CELSR1: variants seen among roughly 807,000 people sequenced by gnomAD.
CELSR1 encodes adhesion G protein-coupled receptor C1.
In CELSR1, 110 loss-of-function variants were observed where a neutral mutation model predicts 249.1. That is an observed-to-expected ratio of 0.44 (90% CI 0.38 to 0.52). The LOEUF (loss-of-function observed/expected upper bound fraction) is 0.52, where lower values mean the gene tolerates loss of function less well. Among genes scored for constraint, CELSR1 ranks in the 20% least tolerant of loss-of-function variants. CELSR1 has a pLI of 0.00. For missense variants in CELSR1, 4,109 were observed against 4,296.4 expected, an observed-to-expected ratio of 0.96 and a Z score of 1.22; for synonymous variants, 2,113 against 1,900.0, an observed-to-expected ratio of 1.11 and a Z score of -2.92.
chr22:46,511,874 T>G (rs1474863587), intron 1 of CELSR1, among the ~76,000 whole-genome samples: 2 of 151,954 alleles, frequency 1.3e-5, no homozygotes, highest in African/African-American at 4.8e-5. Flanking sequence ...CCTCGGTCAT[T>G]AGACACAATG....
In CELSR1 at chr22:46,458,481, G is replaced by A. The variant is rs1157062330; in HGVS notation, c.4183+5226C>T. Among the ~76,000 whole-genome samples, 4 of 152,348 alleles carry A rather than the reference G, an allele frequency of 2.6e-5. No homozygotes were observed. In the East Asian group the frequency reaches 7.7e-4, roughly 29 times the overall value. Reference sequence around the variant, plus strand: ...GCAGCAGAGAGAAGAACTGGGCTGGGGAGGCAGCGTCATTAGGTCATGGCA... The same window carrying A: ...GCAGCAGAGAGAAGAACTGGGCTGGAGAGGCAGCGTCATTAGGTCATGGCA... On this transcript the variant is annotated intron_variant, in intron 2 of 34. Transcript: ENST00000674500.
intron 1 of CELSR1, among the ~76,000 whole-genome samples, chr22:46,470,318 T>A (rs1156732844): frequency 6.6e-6 from 1 of 151,844 alleles, no homozygotes; most frequent in African/African-American, 2.4e-5. Flanking sequence ...TCTGAGCTTA[T>A]GTATCATAGT....
At chr22:46,422,881 C>A (rs191682929) in intron 5 of CELSR1, among the ~76,000 whole-genome samples, 323 of 152,238 alleles carry the variant, frequency 2.1e-3, no homozygotes, top group African/African-American at 6.9e-3. Flanking sequence ...AAAAGGAACA[C>A]GAAATCCACC....
At chr22:46,467,507 TTATATATA>T (rs57411071) in intron 1 of CELSR1, among the ~76,000 whole-genome samples, 1 of 150,126 alleles carries the variant, frequency 6.7e-6, no homozygotes, top group Admixed American at 6.7e-5. Context: ...CACGAACATG[TTATATATA>T]TATATATATA....
intron 24 of CELSR1, among the ~76,000 whole-genome samples, chr22:46,373,488 G>GGC (rs2078880272): frequency 2.2e-5 from 3 of 139,108 alleles, no homozygotes; most frequent in Admixed American, 7.1e-5. Flanking sequence ...GCTCTGGGGT[G>GGC]GGGGGGGCAG....
chr22:46,470,681 C>T (rs1016591135), intron 1 of CELSR1, among the ~76,000 whole-genome samples: 5 of 152,102 alleles, frequency 3.3e-5, no homozygotes, highest in Non-Finnish European at 7.3e-5. Context: ...GCAGCTTAAG[C>T]CTTCAGATAC....
At chr22:46,497,487 G>A (rs2080424540) in intron 1 of CELSR1, among the ~76,000 whole-genome samples, 1 of 152,204 alleles carries the variant, frequency 6.6e-6, no homozygotes. Context: ...GTAGTAGCCA[G>A]AGGAGTTCCT....
At chr22:46,371,806 A>G (rs1468520674) in intron 25 of CELSR1, among the ~76,000 whole-genome samples, 1 of 147,304 alleles carries the variant, frequency 6.8e-6, no homozygotes, top group African/African-American at 2.5e-5. Flanking sequence ...CCACCCATCC[A>G]TCCACTCACT....
Position 46,534,429 on chromosome 22 carries a change from G to C in CELSR1, c.2742C>G (p.Val914=), listed in dbSNP as rs2080827457. The C allele has an allele frequency of 6.2e-7, 1 of 1,613,002 alleles. No homozygotes were observed. ...GACCTGAGTCCCGGTCCGTGGCAGA[G>C]ACCTGGAGGATGCTGGTCGAGGGTG... ...DAPPSTSILQ[V]SATDRDSGPN... The change falls in exon 1 of 35, where the codon GTC becomes GTG. Residue 914 remains valine, a synonymous_variant. Coordinates refer to ENST00000674500, the MANE Select transcript of CELSR1 (RefSeq NM_001378328.1). This position sits in a 1 kb window ranked among gnomAD's most constrained non-coding sequence, Gnocchi z 9.7.
chr22:46,448,814 T>C lies in CELSR1; in HGVS notation c.4184-9403A>G, dbSNP rs2079849546. Among the ~76,000 whole-genome samples, 1 of 152,058 alleles carries C rather than the reference T, an allele frequency of 6.6e-6. No homozygotes were observed. Among genetic ancestry groups the C allele is most frequent in the Admixed American group, 6.5e-5 (1 of 15,268 alleles). ...CCATCAAAGAGCTCAGTCCTAACAC[T>C]GGATCCTAGGATGCAGAAAGCACAG... On this transcript the variant is annotated intron_variant, in intron 2 of 34. Coordinates refer to ENST00000674500, the MANE Select transcript of CELSR1 (RefSeq NM_001378328.1). The surrounding 1 kb of genome is among the most constrained non-coding windows in gnomAD (Gnocchi z 5.7).
At chr22:46,439,529 C>CCCGA in intron 2 of CELSR1, 118 bp from the exon 3 acceptor site, 1 of 778,544 alleles carries the variant, frequency 1.3e-6, no homozygotes, top group East Asian at 2.7e-5. Context: ...TGAAAGAAAA[C>CCCGA]CCGACTGACT....
At position 46,399,127 on chromosome 22, in the gene CELSR1, G is replaced by A. The variant is rs1348794993; in HGVS notation, c.5413-490C>T. 6.6e-6 allele frequency among the ~76,000 whole-genome samples: 1 copy of A among 152,188 alleles called. No homozygotes were observed. Among genetic ancestry groups the A allele is most frequent in the Non-Finnish European group, 1.5e-5 (1 of 68,026 alleles). ...ATGAGCCTTGGCTCCAAGAGCTCTT[G>A]GAGATCCCAGGTCGCCCCTTAAGTG... On this transcript the variant is annotated intron_variant, in intron 10 of 34. Coordinates refer to ENST00000674500, the MANE Select transcript of CELSR1 (RefSeq NM_001378328.1). This position sits in a 1 kb window ranked among gnomAD's most constrained non-coding sequence, Gnocchi z 5.0.
intron 22 of CELSR1, among the ~76,000 whole-genome samples, chr22:46,379,872 G>T (rs942604413): frequency 2.0e-5 from 3 of 152,088 alleles, no homozygotes; most frequent in African/African-American, 7.2e-5. Flanking sequence ...GGAGGCAGTG[G>T]GTCTTCCCCT....
chr22:46,502,686 G>A (rs111691719), intron 1 of CELSR1, among the ~76,000 whole-genome samples: 4,729 of 152,162 alleles, frequency 0.031, 73 homozygotes, highest in Non-Finnish European at 0.04. Context: ...ACTGTCACAT[G>A]GGGAAATCGA....
At chr22:46,379,022 C>T (rs1041316109) in intron 22 of CELSR1, among the ~76,000 whole-genome samples, 3 of 152,208 alleles carry the variant, frequency 2.0e-5, no homozygotes, top group Non-Finnish European at 4.4e-5. Flanking sequence ...CCAAGGAGCA[C>T]CCTCTGAAGT....
intron 1 of CELSR1, among the ~76,000 whole-genome samples, chr22:46,505,081 T>G (rs1400024836): frequency 6.6e-6 from 1 of 151,102 alleles, no homozygotes; most frequent in Non-Finnish European, 1.5e-5. Context: ...GCTAACACGG[T>G]GAAACCCCGT....
At position 46,409,245 on chromosome 22, in the gene CELSR1, T is replaced by C. The variant is rs1056499947; in HGVS notation, c.5060-83A>G. The C allele has an allele frequency of 6.6e-5, 97 of 1,462,972 alleles. No homozygotes were observed. Among genetic ancestry groups the C allele is most frequent in the Non-Finnish European group, 4.8e-5 (51 of 1,065,158 alleles). 90.6% of individuals were successfully genotyped at this position (1,462,972 alleles called of 1,614,324 possible). On this transcript the variant is annotated intron_variant, in intron 8 of 34. Coordinates refer to ENST00000674500, the MANE Select transcript of CELSR1 (RefSeq NM_001378328.1). This position sits in a 1 kb window ranked among gnomAD's most constrained non-coding sequence, Gnocchi z 9.8. ...TGGCTGCAGGGGCGGGGGATGGGCCTGCAGGCTAGGCCTGGGCCTTTTTCA... is the reference window on the plus strand; with the variant it reads ...TGGCTGCAGGGGCGGGGGATGGGCCCGCAGGCTAGGCCTGGGCCTTTTTCA...
chr22:46,424,515 A>G (rs11090878), intron 5 of CELSR1, among the ~76,000 whole-genome samples: 5,748 of 152,232 alleles, frequency 0.038, 329 homozygotes, highest in African/African-American at 0.13. Context: ...AAGATAGTAT[A>G]ATATCAAACC....
In CELSR1 at chr22:46,412,326, C is replaced by T. The variant is rs1006961591; in HGVS notation, c.4612-567G>A. 6.6e-6 allele frequency among the ~76,000 whole-genome samples: 1 copy of T among 152,114 alleles called. No homozygotes were observed. The highest frequency in any genetic ancestry group is 6.5e-5 in the Admixed American group (1 of 15,284). On this transcript the variant is annotated intron_variant, in intron 5 of 34. Transcript: ENST00000674500. The surrounding 1 kb of genome is among the most constrained non-coding windows in gnomAD (Gnocchi z 4.5). The stretch of plus-strand genomic sequence containing the variant: ...CCGTGGTACTTTGTGATGGTGGCCC[C>T]AGGAAATGAAGTTGCAGCCAACACC...
Sources: allele counts gnomAD v4.1 joint callset (sites outside exome capture counted in the v4.1 genomes callset), GRCh38; gene constraint gnomAD v4.1.1; non-coding constraint Gnocchi (gnomAD v3.1); transcripts MANE v1.5; gene names NCBI Gene and HGNC (gene_info 2026-07-23, HGNC 2026-07-21).